Variants in UGGT1 observed in about 807,000 individuals in gnomAD.
UGGT1 encodes the protein UDP-glucose:glycoprotein glucosyltransferase 1.
A neutral mutation model predicts 203.9 loss-of-function variants in UGGT1; 107 were observed. The ratio of observed to expected loss-of-function variants is 0.52; its 90% CI spans 0.45 to 0.62. UGGT1 has a LOEUF of 0.62. Ranked by LOEUF, UGGT1 falls within the 20% of genes least tolerant of loss-of-function variation. The pLI, the probability that UGGT1 is intolerant of heterozygous loss-of-function variation, is 0.00. For synonymous variants in UGGT1, 628 were observed against 653.5 expected, an observed-to-expected ratio of 0.96 and a Z score of 0.59; for missense variants, 1,673 against 1,867.2, an observed-to-expected ratio of 0.90 and a Z score of 1.92.
At chr2:128,103,040 A>G (rs923267653) in intron 2 of UGGT1, 7 of 470,784 alleles carry the variant, frequency 1.5e-5, no homozygotes, top group African/African-American at 1.2e-4. Flanking sequence ...GTGCATTACC[A>G]GGAAATGTTT....
At chr2:128,112,768 G>C (rs897507460) in intron 5 of UGGT1, among the ~76,000 whole-genome samples, 1 of 151,378 alleles carries the variant, frequency 6.6e-6, no homozygotes, top group East Asian at 2.0e-4. Context: ...ATTTATTGTA[G>C]AGTCGAGGTT....
At chr2:128,177,095 G>A (rs1248572391) in intron 32 of UGGT1, among the ~76,000 whole-genome samples, 197 bp downstream of exon 32, 1 of 152,046 alleles carries the variant, frequency 6.6e-6, no homozygotes, top group African/African-American at 2.4e-5. Flanking sequence ...GGTAATCTCG[G>A]TGTGCAGAAC....
At chr2:128,109,602 TTAAAAAG>T (rs753961487) in intron 4 of UGGT1, 25 bp from the exon 5 acceptor site, 4 of 1,547,342 alleles carry the variant, frequency 2.6e-6, no homozygotes, top group Non-Finnish European at 3.6e-6. Context: ...GGTTAGAAAT[TTAAAAAG>T]TATGTGTTGT....
intron 2 of UGGT1, among the ~76,000 whole-genome samples, chr2:128,097,824 T>A (rs1021455761): frequency 1.3e-5 from 2 of 152,212 alleles, no homozygotes; most frequent in Non-Finnish European, 2.9e-5. Flanking sequence ...TATGTTACTT[T>A]CCAAAAAGCA....
intron 13 of UGGT1, among the ~76,000 whole-genome samples, chr2:128,132,573 A>T (rs1688933994): frequency 1.3e-5 from 2 of 151,982 alleles, no homozygotes; most frequent in African/African-American, 4.8e-5. Context: ...AACAAAAAAA[A>T]TTTCGCTTCT....
chr2:128,116,304 C>T lies in UGGT1; in HGVS notation c.833C>T (p.Pro278Leu). 1.2e-6 allele frequency: 2 copies of T among 1,611,670 alleles called. No individual in the cohort carries two copies. The highest frequency in any genetic ancestry group is 1.7e-6 in the Non-Finnish European group (2 of 1,178,066). Residue 278 changes from proline to leucine, a missense_variant, in exon 8 of 41, where the codon CCT (proline) becomes CTT (leucine). Transcript: ENST00000259253. ...ACCACAGTGATTGGTGAAAATGATCCTATTGATGAGGTTCAGGGGTTCCTC... is the reference window on the plus strand; with the variant it reads ...ACCACAGTGATTGGTGAAAATGATCTTATTGATGAGGTTCAGGGGTTCCTC... ...VNTTVIGEND[P>L]IDEVQGFLFG...
chr2:128,151,398 C>T, intron 18 of UGGT1: 1 of 385,204 alleles, frequency 2.6e-6, no homozygotes, highest in Non-Finnish European at 4.9e-6. Context: ...CCAAATTCCC[C>T]TCCTTGAACT....
chr2:128,107,473 T>C (rs1687657074), intron 3 of UGGT1, among the ~76,000 whole-genome samples: 1 of 152,256 alleles, frequency 6.6e-6, no homozygotes, highest in Non-Finnish European at 1.5e-5. Context: ...TCATAGCCTC[T>C]TCCTCTGGGG....
At chr2:128,103,543 A>G (rs924399299) in intron 2 of UGGT1, among the ~76,000 whole-genome samples, 2 of 152,164 alleles carry the variant, frequency 1.3e-5, no homozygotes, top group Admixed American at 6.5e-5. Flanking sequence ...GTTCTTTGTA[A>G]GGCCTTTCAG....
At chr2:128,153,946 T>C (rs974695926) in intron 19 of UGGT1, among the ~76,000 whole-genome samples, 2 of 152,208 alleles carry the variant, frequency 1.3e-5, no homozygotes, top group African/African-American at 4.8e-5. Flanking sequence ...TTTATTGTTA[T>C]AGTTGAGTAT....
At chr2:128,151,178 G>A in intron 18 of UGGT1, 1 of 496,768 alleles carries the variant, frequency 2.0e-6, no homozygotes, top group Non-Finnish European at 3.8e-6. Context: ...CCTGCAGCCA[G>A]GGGTCCCTTC....
intron 25 of UGGT1, among the ~76,000 whole-genome samples, chr2:128,163,549 A>G (rs1690636483): frequency 6.6e-6 from 1 of 151,974 alleles, no homozygotes; most frequent in African/African-American, 2.4e-5. Flanking sequence ...CCCCGTCTCT[A>G]CTAAAAATAC....
intron 6 of UGGT1, among the ~76,000 whole-genome samples, chr2:128,114,560 T>G (rs1233046236): frequency 6.6e-6 from 1 of 152,200 alleles, no homozygotes; most frequent in Non-Finnish European, 1.5e-5. Context: ...GGTGAGCCTG[T>G]GACATCTGGT....
chr2:128,104,079 C>G, intron 3 of UGGT1, 65 bp downstream of exon 3: 1 of 1,295,806 alleles, frequency 7.7e-7, no homozygotes, highest in South Asian at 1.5e-5. Context: ...AAAATTGTCT[C>G]TTTATAGTAT....
In UGGT1 at chr2:128,164,723, C is replaced by T; in HGVS notation, c.2826-7C>T. 6.2e-7 allele frequency: 1 copy of T among 1,613,710 alleles called. No homozygotes were observed. The highest frequency in any genetic ancestry group is 8.5e-7 in the Non-Finnish European group (1 of 1,179,666). ...GATGTTAAGATTTCTCTAACCCCTT[C>T]TTTCAGGGCAAGCGACTTGGTAATG... On this transcript the variant is annotated splice_region_variant and splice_polypyrimidine_tract_variant and intron_variant, in intron 25 of 40. Transcript: ENST00000259253.
chr2:128,109,681 A>G lies in UGGT1; in HGVS notation c.456A>G (p.Ser152=). The change falls in exon 5 of 41, where the codon TCA becomes TCG. Residue 152 remains serine (S), a synonymous_variant. Transcript: ENST00000259253. ...PPPEGCNSFF[S]VHGKKTCESD... ...CAGAAGGATGTAATTCGTTTTTTTC[A>G]GTGCATGGAAAGAAGACTTGTGAAT... 1.2e-6 allele frequency: 2 copies of G among 1,614,180 alleles called. No homozygotes were observed. The highest frequency in any genetic ancestry group is 2.7e-5 in the African/African-American group (2 of 75,066).
chr2:128,134,819 G>C (rs767489768), intron 14 of UGGT1, 57 bp from the exon 15 acceptor site: 15 of 1,511,672 alleles, frequency 9.9e-6, no homozygotes, highest in Non-Finnish European at 1.2e-5. Context: ...ATTTTTCTCG[G>C]CCCACAGATA....
chr2:128,143,090 TCAGA>T lies in UGGT1; in HGVS notation c.1720-3_1720del. The T allele has an allele frequency of 6.3e-7, 1 of 1,587,312 alleles. No individual in the cohort carries two copies. The highest frequency in any genetic ancestry group is 1.4e-5 in the African/African-American group (1 of 73,670). ...AGTTAACCAACTGTTTTTTCTTTCT[TCAGA>T]TCTATAACAAGGTGAGGACTGGAGA... On this transcript the variant is annotated splice_acceptor_variant and splice_polypyrimidine_tract_variant and coding_sequence_variant and intron_variant, in exon 17 of 41. Transcript: ENST00000259253. LOFTEE classifies it high-confidence loss of function.
At chr2:128,122,514 A>G (rs569002493) in intron 10 of UGGT1, among the ~76,000 whole-genome samples, 2 of 151,694 alleles carry the variant, frequency 1.3e-5, no homozygotes, top group East Asian at 1.9e-4. Flanking sequence ...AGCCTGAGCA[A>G]CAAGAACGAA....
Sources: allele counts gnomAD v4.1 joint callset (sites outside exome capture counted in the v4.1 genomes callset), GRCh38; gene constraint gnomAD v4.1.1; transcripts MANE v1.5; gene names NCBI Gene and HGNC (gene_info 2026-07-23, HGNC 2026-07-21).